Variants in JMJD1C observed in about 807,000 individuals in gnomAD.
JMJD1C encodes jumonji domain-containing protein 1C.
In JMJD1C, 31 loss-of-function variants were observed where a neutral mutation model predicts 245.3. The ratio of observed to expected loss-of-function variants is 0.13; its 90% CI spans 0.09 to 0.17. The LOEUF (loss-of-function observed/expected upper bound fraction) is 0.17. Ranked by LOEUF, JMJD1C falls within the 10% of genes least tolerant of loss-of-function variation. The probability of loss-of-function intolerance (pLI) is 1.00; values close to 1 mark genes in which losing one functional copy is unlikely to be tolerated. For synonymous variants in JMJD1C, 1,057 were observed against 1,017.4 expected, an observed-to-expected ratio of 1.04 and a Z score of -0.74; for missense variants, 2,691 against 3,000.2, an observed-to-expected ratio of 0.90 and a Z score of 2.41.
At chr10:63,426,073 C>T (rs1950421838) in intron 1 of JMJD1C, among the ~76,000 whole-genome samples, 1 of 152,106 alleles carries the variant, frequency 6.6e-6, no homozygotes, top group Non-Finnish European at 1.5e-5. Context: ...GGATGTGACA[C>T]AATGCATTTA....
At chr10:63,195,790 T>A (rs1281821850) in intron 13 of JMJD1C, among the ~76,000 whole-genome samples, 5 of 151,416 alleles carry the variant, frequency 3.3e-5, no homozygotes, top group Non-Finnish European at 7.4e-5. Context: ...TTAGCTGGGC[T>A]TGGTGGCAGG....
chr10:63,319,281 T>G (rs1309032891), intron 2 of JMJD1C, among the ~76,000 whole-genome samples: 3 of 139,602 alleles, frequency 2.1e-5, no homozygotes, highest in Non-Finnish European at 4.7e-5. Context: ...AAAAAAAAGC[T>G]AATACATTTT....
intron 17 of JMJD1C, among the ~76,000 whole-genome samples, chr10:63,190,318 C>T (rs1844632225): frequency 6.6e-6 from 1 of 152,116 alleles, no homozygotes; most frequent in Non-Finnish European, 1.5e-5. Context: ...AATTCTCTGC[C>T]TCAGCCTCCC....
chr10:63,463,611 T>C (rs1475754907), intron 1 of JMJD1C, among the ~76,000 whole-genome samples: 2 of 152,170 alleles, frequency 1.3e-5, no homozygotes, highest in African/African-American at 2.4e-5. Flanking sequence ...TGGTAGATTC[T>C]AGGCTAAAAA....
intron 1 of JMJD1C, among the ~76,000 whole-genome samples, chr10:63,503,937 T>C (rs1024000917): frequency 3.3e-5 from 5 of 152,130 alleles, no homozygotes. Flanking sequence ...ACCACCAGGG[T>C]CCACATGCTT....
intron 4 of JMJD1C, among the ~76,000 whole-genome samples, chr10:63,219,032 C>A (rs2133265426): frequency 6.6e-6 from 1 of 152,148 alleles, no homozygotes; most frequent in Middle Eastern, 3.4e-3. Flanking sequence ...ACAGGATCAG[C>A]CAAGATTTGA....
chr10:63,329,478 GAA>G (rs61422373), intron 2 of JMJD1C, among the ~76,000 whole-genome samples: 28,390 of 116,920 alleles, frequency 0.24, 3,481 homozygotes, highest in Non-Finnish European at 0.31. Context: ...TCCATCAATT[GAA>G]AAAAAAAAAA....
At position 63,189,329 on chromosome 10, in the gene JMJD1C, CTTT is replaced by C; in HGVS notation, c.6406_6408del (p.Lys2136del). ...GATATTATGCTTTCTTCAGGCTCTT[CTTT>C]AAGCTCTGGTTTTACATTTATCTTG... On this transcript the variant is annotated inframe_deletion, in exon 18 of 26. Transcript: ENST00000399262. 6.2e-7 allele frequency: 1 copy of C among 1,613,854 alleles called. No homozygotes were observed. The highest frequency in any genetic ancestry group is 8.5e-7 in the Non-Finnish European group (1 of 1,179,900).
intron 3 of JMJD1C, among the ~76,000 whole-genome samples, chr10:63,226,084 T>C (rs1243723733): frequency 6.6e-6 from 1 of 151,478 alleles, no homozygotes; most frequent in East Asian, 1.9e-4. Flanking sequence ...CATTTCTTTA[T>C]ATGTAAGGGG....
intron 2 of JMJD1C, among the ~76,000 whole-genome samples, chr10:63,329,558 A>G (rs757935150): frequency 2.5e-4 from 38 of 152,020 alleles, no homozygotes; most frequent in Non-Finnish European, 5.3e-4. Flanking sequence ...AAAAGAAAAA[A>G]TCTTGTCAGC....
chr10:63,415,947 A>T (rs1008085950), intron 1 of JMJD1C, among the ~76,000 whole-genome samples: 1 of 152,076 alleles, frequency 6.6e-6, no homozygotes, highest in Non-Finnish European at 1.5e-5. Flanking sequence ...GAACTCCCAC[A>T]ACTACACAGC....
chr10:63,218,322 A>T (rs562496839), intron 4 of JMJD1C, among the ~76,000 whole-genome samples: 3 of 152,206 alleles, frequency 2.0e-5, no homozygotes, highest in South Asian at 2.1e-4. Flanking sequence ...ATATATATAT[A>T]AATCAATGAA....
At chr10:63,248,868 C>T (rs962785981) in intron 3 of JMJD1C, among the ~76,000 whole-genome samples, 9 of 152,242 alleles carry the variant, frequency 5.9e-5, no homozygotes, top group Admixed American at 2.0e-4. Flanking sequence ...ATGTGGTATA[C>T]GTACATAATG....
At chr10:63,444,402 T>C (rs1438527819) in intron 1 of JMJD1C, among the ~76,000 whole-genome samples, 1 of 145,606 alleles carries the variant, frequency 6.9e-6, no homozygotes, top group Non-Finnish European at 1.5e-5. Flanking sequence ...GCCTCCCGAG[T>C]AGCTAGGATT....
chr10:63,189,518 TTA>T lies in JMJD1C; in HGVS notation c.6292-74_6292-73del, dbSNP rs1844509055. The T allele has an allele frequency of 2.3e-6, 3 of 1,297,478 alleles. No individual in the cohort carries two copies. In the Admixed American group the frequency reaches 7.4e-5, roughly 32 times the overall value. 80.4% of individuals were successfully genotyped at this position (1,297,478 alleles called of 1,614,324 possible). A position where few individuals can be genotyped will look rare whatever the true frequency, so the allele number is the denominator to read the frequency against. On this transcript the variant is annotated intron_variant, in intron 17 of 25. Coordinates refer to ENST00000399262, the MANE Select transcript of JMJD1C (RefSeq NM_032776.3). ...TCAAATACATTTTCCTCCCACAGAC[TTA>T]TTTTTTTTTAAACAATATCCCTACA... is the stretch of plus-strand genomic sequence containing the variant.
intron 1 of JMJD1C, among the ~76,000 whole-genome samples, chr10:63,426,354 C>G (rs181252462): frequency 6.6e-6 from 1 of 151,594 alleles, no homozygotes. Context: ...AAAACCCTAT[C>G]TATTAAAAAA....
At chr10:63,201,483 C>A (rs962055013) in intron 10 of JMJD1C, among the ~76,000 whole-genome samples, 2 of 152,138 alleles carry the variant, frequency 1.3e-5, no homozygotes, top group African/African-American at 4.8e-5. Flanking sequence ...TACTCTACAT[C>A]ATTGCTCCAT....
At chr10:63,191,629 A>G (rs531081291) in intron 16 of JMJD1C, among the ~76,000 whole-genome samples, 2 of 152,276 alleles carry the variant, frequency 1.3e-5, no homozygotes, top group South Asian at 4.1e-4. Flanking sequence ...GCCTTCCTCA[A>G]TATTTAAGAC....
intron 2 of JMJD1C, among the ~76,000 whole-genome samples, chr10:63,306,699 T>A (rs1938292516): frequency 6.6e-6 from 1 of 152,200 alleles, no homozygotes; most frequent in Non-Finnish European, 1.5e-5. Context: ...CTACTGAGCC[T>A]GTAGGAAAAA....
Sources: allele counts gnomAD v4.1 joint callset (sites outside exome capture counted in the v4.1 genomes callset), GRCh38; gene constraint gnomAD v4.1.1; transcripts MANE v1.5; gene names NCBI Gene and HGNC (gene_info 2026-07-23, HGNC 2026-07-21).